SYNE1: variants seen among roughly 807,000 people sequenced by gnomAD.
The protein encoded by SYNE1 is nesprin-1.
Under a neutral mutation model 1,111.0 loss-of-function variants are expected in SYNE1, and 616 were observed. The observed-to-expected ratio is 0.55, with a 90% confidence interval of 0.52 to 0.59. The LOEUF (loss-of-function observed/expected upper bound fraction) is 0.59, where lower values mean the gene tolerates loss of function less well. SYNE1 is among the 20% of genes least tolerant of loss of function. SYNE1 has a pLI of 0.00. For synonymous variants in SYNE1, 3,855 were observed against 3,825.8 expected (o/e 1.01, Z -0.28); for missense variants, 10,006 against 10,417.0 (o/e 0.96, Z 1.72).
chr6:152,231,715 C>A (rs2082789762), intron 113 of SYNE1, 148 bp from the exon 114 acceptor site: 2 of 834,030 alleles, frequency 2.4e-6, no homozygotes, highest in Non-Finnish European at 3.7e-6. Flanking sequence ...TCACACAACC[C>A]ATTATTTTTA....
intron 3 of SYNE1, among the ~76,000 whole-genome samples, chr6:152,606,815 A>AT (rs909967518): frequency 1.4e-4 from 19 of 139,020 alleles, no homozygotes; most frequent in Admixed American, 2.9e-4. Flanking sequence ...GCCCGGCTAA[A>AT]TTTTTTTTTT....
chr6:152,205,250 G>A (rs2076290036), intron 126 of SYNE1, among the ~76,000 whole-genome samples: 1 of 151,994 alleles, frequency 6.6e-6, no homozygotes, highest in African/African-American at 2.4e-5. Flanking sequence ...AAGTGTTGGT[G>A]ATTATCAACA....
chr6:152,590,901 G>C (rs1565041425), intron 3 of SYNE1, among the ~76,000 whole-genome samples: 1 of 152,108 alleles, frequency 6.6e-6, no homozygotes, highest in African/African-American at 2.4e-5. Flanking sequence ...TTTTAGAATA[G>C]TTTTTTTCTA....
chr6:152,321,869 T>G lies in SYNE1; in HGVS notation c.15935A>C (p.Lys5312Thr). 6.2e-7 allele frequency: 1 copy of G among 1,614,084 alleles called. No individual in the cohort carries two copies. Among genetic ancestry groups the G allele is most frequent in the South Asian group, 1.1e-5 (1 of 91,086 alleles). The change falls in exon 83 of 146, where the codon AAG (lysine) becomes ACG (threonine). Residue 5312 changes from lysine to threonine, a missense_variant. Around this residue, in one of 7 missense-constraint regions of SYNE1, gnomAD observed 4,955 missense variants for 5,017.2 expected, o/e 0.99. Transcript: ENST00000367255. ...TTGCTTCACCAACTTTCCATTAGTC[T>G]TCACTTTCTCCTGCATGCTTCAGAA... ...DRCLNMQEKVKTNGKLVKQEL... is the reference protein window; with the variant it reads ...DRCLNMQEKVTTNGKLVKQEL...
At chr6:152,479,350 T>C (rs1388119413) in intron 14 of SYNE1, among the ~76,000 whole-genome samples, 1 of 152,182 alleles carries the variant, frequency 6.6e-6, no homozygotes, top group Non-Finnish European at 1.5e-5. Context: ...GCAATAAGGA[T>C]GTGTAGCAGG....
intron 102 of SYNE1, 146 bp from the exon 103 acceptor site, chr6:152,255,892 G>T: frequency 1.0e-6 from 1 of 962,832 alleles, no homozygotes; most frequent in Non-Finnish European, 1.6e-6. Flanking sequence ...GAGGTCAGGA[G>T]TTCAAGACTG....
chr6:152,396,136 C>A (rs1326676465), intron 50 of SYNE1, among the ~76,000 whole-genome samples: 1 of 152,162 alleles, frequency 6.6e-6, no homozygotes, highest in Non-Finnish European at 1.5e-5. Flanking sequence ...ATAAGTAGGG[C>A]AGTGGAGTCC....
At chr6:152,500,885 A>C (rs2099026120) in intron 10 of SYNE1, among the ~76,000 whole-genome samples, 1 of 149,766 alleles carries the variant, frequency 6.7e-6, no homozygotes, top group Admixed American at 6.7e-5. Context: ...TGGGAGGCGG[A>C]GCTTGCAGTG....
chr6:152,346,908 A>C (rs985495747), intron 73 of SYNE1, 151 bp downstream of exon 73: 1 of 826,754 alleles, frequency 1.2e-6, no homozygotes, highest in Non-Finnish European at 1.9e-6. Context: ...TCACATAGCA[A>C]CTGTGAAATT....
chr6:152,374,368 A>G (rs1168003408), intron 58 of SYNE1, among the ~76,000 whole-genome samples: 1 of 152,234 alleles, frequency 6.6e-6, no homozygotes, highest in East Asian at 1.9e-4. Flanking sequence ...ATTTTGTCAT[A>G]GATTTTGATT....
At chr6:152,577,468 T>A (rs1024084302) in intron 3 of SYNE1, among the ~76,000 whole-genome samples, 1 of 152,038 alleles carries the variant, frequency 6.6e-6, no homozygotes, top group Non-Finnish European at 1.5e-5. Flanking sequence ...CCGTCTCTAC[T>A]AAAAACACAA....
intron 98 of SYNE1, among the ~76,000 whole-genome samples, chr6:152,276,697 T>A (rs1689473110): frequency 6.6e-6 from 1 of 152,084 alleles, no homozygotes; most frequent in Non-Finnish European, 1.5e-5. Flanking sequence ...TGGCCTGGTC[T>A]CAACCATTAT....
chr6:152,275,064 G>A (rs968812927), intron 98 of SYNE1, among the ~76,000 whole-genome samples: 2 of 151,978 alleles, frequency 1.3e-5, no homozygotes, highest in African/African-American at 4.8e-5. Context: ...GTGCCACCAC[G>A]CCCGGCTAAT....
At chr6:152,275,723 A>C (rs1014066984) in intron 98 of SYNE1, among the ~76,000 whole-genome samples, 22 of 132,476 alleles carry the variant, frequency 1.7e-4, no homozygotes, top group Non-Finnish European at 2.8e-4. Flanking sequence ...TCTACAAAAA[A>C]TTAAAAAAAT....
chr6:152,253,302 G>A (rs2089844762), intron 104 of SYNE1, among the ~76,000 whole-genome samples: 1 of 152,070 alleles, frequency 6.6e-6, no homozygotes, highest in Non-Finnish European at 1.5e-5. Context: ...TCTTTCTCTT[G>A]GTTTTAGATC....
intron 14 of SYNE1, among the ~76,000 whole-genome samples, chr6:152,475,723 C>T (rs2098830983): frequency 6.6e-6 from 1 of 152,108 alleles, no homozygotes; most frequent in African/African-American, 2.4e-5. Flanking sequence ...ACATGCCTCT[C>T]TAAATGAGAT....
intron 93 of SYNE1, among the ~76,000 whole-genome samples, chr6:152,299,603 T>A (rs962538286): frequency 6.6e-6 from 1 of 152,058 alleles, no homozygotes; most frequent in African/African-American, 2.4e-5. Flanking sequence ...ATGGATGAGT[T>A]GATAATTTCC....
intron 29 of SYNE1, 57 bp from the exon 30 acceptor site, chr6:152,444,635 T>G: frequency 2.6e-6 from 4 of 1,527,134 alleles, no homozygotes; most frequent in Non-Finnish European, 3.5e-6. Flanking sequence ...TTGAAGTTTG[T>G]ATAATTTTTT....
intron 103 of SYNE1, 84 bp downstream of exon 103, chr6:152,255,507 T>C: frequency 6.8e-7 from 1 of 1,463,588 alleles, no homozygotes; most frequent in Non-Finnish European, 9.6e-7. Flanking sequence ...TTTGACTTTC[T>C]TTATGCATAA....
Sources: allele counts gnomAD v4.1 joint callset (sites outside exome capture counted in the v4.1 genomes callset), GRCh38; gene constraint gnomAD v4.1.1; regional missense constraint gnomAD v4.1.1; transcripts MANE v1.5; gene names NCBI Gene and HGNC (gene_info 2026-07-23, HGNC 2026-07-21).